The following TUBGCP5 variants were observed in gnomAD, a reference collection of about 807,000 sequenced individuals.
TUBGCP5 encodes gamma-tubulin complex component 5.
In TUBGCP5, 98 loss-of-function variants were observed where a neutral mutation model predicts 134.7. The ratio of observed to expected loss-of-function variants is 0.73; its 90% confidence interval spans 0.62 to 0.86. The LOEUF is 0.86. Among genes scored for constraint, TUBGCP5 ranks in the 40% least tolerant of loss-of-function variants. The pLI is 0.00. For missense variants in TUBGCP5, 1,150 were observed against 1,244.8 expected (o/e 0.92, Z 1.15); for synonymous variants, 456 against 431.4 (o/e 1.06, Z -0.71).
rs138998459 is a variant in TUBGCP5, at chr15:23,006,543, CAG to C, written c.2328-193_2328-192del. On this transcript the variant is annotated intron_variant, in intron 16 of 22. Transcript: ENST00000615383. ...CAGAGCAGAAATTTGGATTTAGAAA[CAG>C]AGAGGGAGAAAACTTTTAAACAATG... is the stretch of plus-strand genomic sequence containing the variant. 6.5e-3 allele frequency among the ~76,000 whole-genome samples: 984 copies of C among 152,140 alleles called. 5 individuals carry two copies. The highest frequency in any genetic ancestry group is 0.021 in the African/African-American group (861 of 41,504).
chr15:22,995,657 T>G (rs984439316), downstream of TUBGCP5, among the ~76,000 whole-genome samples: 1 of 151,656 alleles, frequency 6.6e-6, no homozygotes, highest in African/African-American at 2.4e-5. Context: ...TGTAAGAAAT[T>G]CCCAGTTGCT....
chr15:23,017,430 T>C (rs1184312454), intron 13 of TUBGCP5, among the ~76,000 whole-genome samples: 1 of 152,112 alleles, frequency 6.6e-6, no homozygotes, highest in African/African-American at 2.4e-5. Flanking sequence ...ACCCCATGAA[T>C]ATGTACAATT....
At chr15:23,024,917 TGACAGGGAC>T in intron 8 of TUBGCP5, 87 bp from the exon 9 acceptor site, 1 of 731,928 alleles carries the variant, frequency 1.4e-6, no homozygotes, top group Non-Finnish European at 2.3e-6. Flanking sequence ...TTTTTTTTTT[TGACAGGGAC>T]TCACTTTGTC....
rs2065504374 is a variant in TUBGCP5 at position 23,019,081 on chromosome 15, GC to G, written c.1487+137del. The G allele has an allele frequency of 1.4e-5, 8 of 552,370 alleles. No individual in the cohort carries two copies. The South Asian group carries it at 2.5e-4, about 17-fold the overall frequency. 34.2% of individuals were successfully genotyped at this position (552,370 alleles called of 1,614,324 possible). On this transcript the variant is annotated intron_variant, in intron 12 of 22. Coordinates refer to ENST00000615383, the MANE Select transcript of TUBGCP5 (RefSeq NM_052903.6). ...CTTCCGTAAAAATGAGATAGAACTT[GC>G]CTATGATGACGACAAGTTCTGTGAT...
At chr15:23,033,323 G>A (rs549414231) in intron 3 of TUBGCP5, among the ~76,000 whole-genome samples, 6 of 151,642 alleles carry the variant, frequency 4.0e-5, no homozygotes, top group East Asian at 1.9e-4. Context: ...TGTCGCCCAG[G>A]CTGGAGTGCA....
At chr15:23,032,216 G>A (rs1487884498) in intron 4 of TUBGCP5, among the ~76,000 whole-genome samples, 187 bp from the exon 5 acceptor site, 1 of 152,152 alleles carries the variant, frequency 6.6e-6, no homozygotes, top group Non-Finnish European at 1.5e-5. Context: ...TCTCAAAGGT[G>A]AGTGTTCTCT....
chr15:23,000,549 T>C lies in TUBGCP5; in HGVS notation c.3028+20A>G. The C allele has an allele frequency of 6.2e-7, 1 of 1,607,378 alleles. No individual in the cohort carries two copies. The highest frequency in any genetic ancestry group is 8.5e-7 in the Non-Finnish European group (1 of 1,177,330). On this transcript the variant is annotated intron_variant, in intron 22 of 22. Coordinates refer to ENST00000615383, the MANE Select transcript of TUBGCP5 (RefSeq NM_052903.6). Reference sequence around the variant, plus strand: ...ACAAGGAAATACAGAGGTAGAAATATTTTAACATGATATACTCACAATGGG... The same window carrying C: ...ACAAGGAAATACAGAGGTAGAAATACTTTAACATGATATACTCACAATGGG...
rs773544431 is a variant in TUBGCP5, at chr15:23,011,161, C to A, written c.1927G>T (p.Asp643Tyr). Residue 643 changes from aspartate (D) to tyrosine (Y), a missense_variant, in exon 14 of 23, where the codon GAT becomes TAT. Asp to Tyr is a radical substitution (Grantham distance 160). Around this residue, in one of 2 missense-constraint regions of TUBGCP5, gnomAD observed 697 missense variants for 850.1 expected, o/e 0.82. Transcript: ENST00000615383. ...GCAAAGTTAATGGCAAGCAGTGGAT[C>A]ATGAACATCATCCAGTTCAAGATGG... is the stretch of plus-strand genomic sequence containing the variant. ...ESHLELDDVH[D>Y]PLLAINFARM... The A allele has an allele frequency of 6.2e-7, 1 of 1,614,042 alleles. No homozygotes were observed. Among genetic ancestry groups the A allele is most frequent in the Non-Finnish European group, 8.5e-7 (1 of 1,180,004 alleles).
intron 9 of TUBGCP5, 158 bp from the exon 10 acceptor site, chr15:23,024,351 C>A: frequency 2.6e-6 from 2 of 757,356 alleles, no homozygotes; most frequent in Non-Finnish European, 1.9e-6. Context: ...TAATTTTATA[C>A]ACAAAGGAAA....
At chr15:23,033,610 A>C (rs1431441165) in intron 3 of TUBGCP5, among the ~76,000 whole-genome samples, 1 of 152,224 alleles carries the variant, frequency 6.6e-6, no homozygotes, top group Non-Finnish European at 1.5e-5. Flanking sequence ...TATCTGTATA[A>C]TAAATTCCTA....
intron 23 of TUBGCP5, among the ~76,000 whole-genome samples, chr15:22,988,235 G>T (rs1050029484): frequency 6.6e-6 from 1 of 151,882 alleles, no homozygotes; most frequent in Admixed American, 6.6e-5. Context: ...TAAGCAGTGT[G>T]CTTACATGAG....
Position 23,027,213 on chromosome 15 carries a change from T to C in TUBGCP5, c.716A>G (p.His239Arg), listed in dbSNP as rs750990485. Residue 239 changes from histidine (H) to arginine (R), a missense_variant, in exon 7 of 23, where the codon CAC (histidine) becomes CGC (arginine). By Grantham distance (29) the His-to-Arg change is conservative. Coordinates refer to ENST00000615383, the MANE Select transcript of TUBGCP5 (RefSeq NM_052903.6). ...TTACCAGACAGCAGCTAAATTAGAG[T>C]GCAAATGTAAACTATGAGGAAACTG... is the stretch of plus-strand genomic sequence containing the variant. ...PSQFPHSLHL[H>R]SNLAAVWDQH... 1.2e-6 allele frequency: 2 copies of C among 1,613,366 alleles called. No individual in the cohort carries two copies. Among genetic ancestry groups the C allele is most frequent in the South Asian group, 1.1e-5 (1 of 90,912 alleles).
chr15:23,017,668 T>G, intron 13 of TUBGCP5, 105 bp downstream of exon 13: 1 of 1,127,424 alleles, frequency 8.9e-7, no homozygotes. Flanking sequence ...AATAAGAGGG[T>G]TTGATGACTT....
At chr15:22,986,594 C>T (rs916965181) in intron 23 of TUBGCP5, among the ~76,000 whole-genome samples, 3 of 151,646 alleles carry the variant, frequency 2.0e-5, no homozygotes, top group Non-Finnish European at 2.9e-5. Flanking sequence ...AAAAATTAGC[C>T]GGGTGTGGTG....
rs2064710812 is a variant in TUBGCP5, at chr15:23,006,299, TGAA to T, written c.2378_2380del (p.Val793_His794delinsAsp). The stretch of plus-strand genomic sequence containing the variant: ...GCTGAGGGTCAGACCATCTAAGATA[TGAA>T]CAGGCAGCTTCTTCTTAGCTGTGTC... On this transcript the variant is annotated inframe_deletion, in exon 17 of 23. Coordinates refer to ENST00000615383, the MANE Select transcript of TUBGCP5 (RefSeq NM_052903.6). The T allele has an allele frequency of 1.9e-6, 3 of 1,610,098 alleles. No homozygotes were observed. Among genetic ancestry groups the T allele is most frequent in the Non-Finnish European group, 2.5e-6 (3 of 1,179,264 alleles).
intron 5 of TUBGCP5, 119 bp downstream of exon 5, chr15:23,031,831 G>C: frequency 1.6e-6 from 1 of 623,626 alleles, no homozygotes; most frequent in South Asian, 2.9e-5. Flanking sequence ...AATGACTCTA[G>C]CTTAGTGAAG....
chr15:23,023,014 A>C (rs2065789367), intron 10 of TUBGCP5: 1 of 151,510 alleles, frequency 6.6e-6, no homozygotes, highest in African/African-American at 2.4e-5. Flanking sequence ...CCTCCCCATA[A>C]AGTGGCAAAA....
chr15:22,986,154 A>C (rs2063675679), intron 23 of TUBGCP5, among the ~76,000 whole-genome samples: 1 of 148,794 alleles, frequency 6.7e-6, no homozygotes, highest in Non-Finnish European at 1.5e-5. Flanking sequence ...AAAAAATAAT[A>C]ATAATAATAA....
Position 23,024,235 on chromosome 15 carries a change from T to C in TUBGCP5, c.922-42A>G, listed in dbSNP as rs981402782. ...CTGCAATTATTCAAAGGTGGTCTTC[T>C]GTAAACATTCAAATTCATTTCCCTC... On this transcript the variant is annotated intron_variant, in intron 9 of 22. Transcript: ENST00000615383. The C allele has an allele frequency of 3.1e-5, 50 of 1,591,746 alleles. 1 individual carries two copies. Among genetic ancestry groups the C allele is most frequent in the Non-Finnish European group, 4.2e-5 (49 of 1,167,840 alleles).
Sources: gnomAD v4.1 joint callset for allele counts (sites outside exome capture counted in the v4.1 genomes callset) on GRCh38, gnomAD v4.1.1 for gene constraint, gnomAD v4.1.1 regional missense constraint, MANE v1.5 for transcripts, NCBI Gene and HGNC (gene_info 2026-07-23, HGNC 2026-07-21) for gene names.